Variants in PRR5L observed in about 807,000 individuals in gnomAD.
The protein encoded by PRR5L is proline-rich protein 5-like.
PRR5L carries 21 observed loss-of-function variants against 36.4 expected under a neutral mutation model. The ratio of observed to expected loss-of-function variants is 0.58; its 90% CI spans 0.41 to 0.83. The LOEUF is 0.83. PRR5L is among the 40% of genes least tolerant of loss of function. The pLI is 0.00. For missense variants in PRR5L, 381 were observed against 473.3 expected (o/e 0.80, Z 1.81); for synonymous variants, 188 against 197.0 (o/e 0.95, Z 0.38).
At chr11:36,376,373 G>GAGGAGGAGGCGGCC (rs1345986442) in intron 1 of PRR5L, 11 of 1,159,324 alleles carry the variant, frequency 9.5e-6, no homozygotes. Flanking sequence ...GGAGGAGGAG[G>GAGGAGGAGGCGGCC]AGGCGGCCGT....
intron 1 of PRR5L, among the ~76,000 whole-genome samples, chr11:36,360,430 G>T (rs978736156): frequency 6.6e-6 from 1 of 152,198 alleles, no homozygotes; most frequent in Non-Finnish European, 1.5e-5. Flanking sequence ...AAATGGGGAC[G>T]AGAGATGTCA....
At chr11:36,308,260 C>A (rs368318080) in intron 1 of PRR5L, among the ~76,000 whole-genome samples, 1 of 152,158 alleles carries the variant, frequency 6.6e-6, no homozygotes, top group Non-Finnish European at 1.5e-5. Context: ...GTGTCTTTGC[C>A]AAGACTTCCA....
At chr11:36,358,277 G>A (rs867036366) in intron 1 of PRR5L, among the ~76,000 whole-genome samples, 16 of 152,160 alleles carry the variant, frequency 1.1e-4, no homozygotes, top group Middle Eastern at 3.4e-3. Flanking sequence ...AGAGTTTTTT[G>A]TGAATGGAAG....
chr11:36,336,621 C>T (rs1856771682), intron 1 of PRR5L, among the ~76,000 whole-genome samples: 1 of 149,684 alleles, frequency 6.7e-6, no homozygotes, highest in Non-Finnish European at 1.5e-5. Flanking sequence ...CCCCTAGTGC[C>T]TAATCTAGTA....
At chr11:36,457,259 T>C (rs889830056) in intron 8 of PRR5L, among the ~76,000 whole-genome samples, 2 of 152,250 alleles carry the variant, frequency 1.3e-5, no homozygotes. Flanking sequence ...ACATTAATAC[T>C]GTATCTTTCC....
At chr11:36,439,051 C>T (rs960037879) in intron 6 of PRR5L, among the ~76,000 whole-genome samples, 3 of 152,130 alleles carry the variant, frequency 2.0e-5, no homozygotes, top group African/African-American at 7.2e-5. Context: ...CTGGGCATCC[C>T]GTGTTTTATC....
intron 8 of PRR5L, among the ~76,000 whole-genome samples, chr11:36,459,809 G>A (rs1161189194): frequency 6.6e-6 from 1 of 152,152 alleles, no homozygotes; most frequent in Non-Finnish European, 1.5e-5. Context: ...CAGCATAGGT[G>A]TACACACGGG....
In PRR5L at chr11:36,439,047, A is replaced by G. The variant is rs528447986; in HGVS notation, c.444+1571A>G. ...AAAAACTCTTCAAATTTAACTGGGC[A>G]TCCCGTGTTTTATCTGGTAGCCCTA... On this transcript the variant is annotated intron_variant, in intron 6 of 8. Coordinates refer to ENST00000530639, the MANE Select transcript of PRR5L (RefSeq NM_001160167.2). Among the ~76,000 whole-genome samples the G allele has an allele frequency of 2.6e-5, 4 of 152,288 alleles. No homozygotes were observed. In the East Asian group the frequency reaches 7.7e-4, roughly 29 times the overall value.
chr11:36,431,033 G>A (rs989053419), intron 4 of PRR5L, among the ~76,000 whole-genome samples: 5 of 152,156 alleles, frequency 3.3e-5, no homozygotes, highest in African/African-American at 4.8e-5. Context: ...ACACCAGCCC[G>A]TCATTGATCT....
chr11:36,426,805 AG>A (rs746036252), intron 4 of PRR5L, among the ~76,000 whole-genome samples: 14 of 152,242 alleles, frequency 9.2e-5, no homozygotes, highest in Non-Finnish European at 1.5e-4. Context: ...AAACATTAAA[AG>A]GGACGGTAGC....
intron 8 of PRR5L, among the ~76,000 whole-genome samples, chr11:36,461,429 C>T (rs1356610072): frequency 6.6e-6 from 1 of 152,026 alleles, no homozygotes; most frequent in African/African-American, 2.4e-5. Flanking sequence ...TCAGGACCAC[C>T]CTGGCCAACA....
chr11:36,435,951 C>A (rs1564948763), intron 5 of PRR5L, among the ~76,000 whole-genome samples: 1 of 152,218 alleles, frequency 6.6e-6, no homozygotes, highest in African/African-American at 2.4e-5. Flanking sequence ...CATTCCCAAT[C>A]CCGTTCCAGT....
At chr11:36,313,031 A>C (rs1389368488) in intron 1 of PRR5L, among the ~76,000 whole-genome samples, 1 of 152,260 alleles carries the variant, frequency 6.6e-6, no homozygotes, top group African/African-American at 2.4e-5. Flanking sequence ...AGGCAATGCC[A>C]GATGTCAGTG....
At chr11:36,317,414 C>G (rs1377185950) in intron 1 of PRR5L, among the ~76,000 whole-genome samples, 2 of 152,186 alleles carry the variant, frequency 1.3e-5, no homozygotes, top group Admixed American at 1.3e-4. Flanking sequence ...GCTATGTAAA[C>G]TGTTTAGCAT....
At chr11:36,447,880 C>T (rs1191351736) in intron 7 of PRR5L, among the ~76,000 whole-genome samples, 5 of 152,056 alleles carry the variant, frequency 3.3e-5, no homozygotes, top group African/African-American at 9.7e-5. Context: ...ATGTGGGGCT[C>T]GGGTCTGAGA....
chr11:36,439,554 C>A (rs1858677644), intron 6 of PRR5L, among the ~76,000 whole-genome samples: 8 of 152,190 alleles, frequency 5.3e-5, no homozygotes, highest in Admixed American at 2.6e-4. Flanking sequence ...CCTGTCAACT[C>A]CTGAGGCCAT....
intron 1 of PRR5L, among the ~76,000 whole-genome samples, chr11:36,356,235 T>A (rs933606690): frequency 6.6e-6 from 1 of 152,130 alleles, no homozygotes; most frequent in Non-Finnish European, 1.5e-5. Context: ...TTTTTAAGTA[T>A]CAAAGCTTCT....
chr11:36,353,688 C>A (rs1464392985), intron 1 of PRR5L, among the ~76,000 whole-genome samples: 1 of 152,148 alleles, frequency 6.6e-6, no homozygotes, highest in African/African-American at 2.4e-5. Flanking sequence ...CAACCTATAT[C>A]CCTCACATGT....
intron 1 of PRR5L, among the ~76,000 whole-genome samples, chr11:36,354,875 CTG>C (rs930538475): frequency 1.3e-5 from 2 of 152,140 alleles, no homozygotes; most frequent in African/African-American, 4.8e-5. Context: ...GAAGACTAAA[CTG>C]GAAAAAATCT....
Sources: allele counts gnomAD v4.1 joint callset (sites outside exome capture counted in the v4.1 genomes callset), GRCh38; gene constraint gnomAD v4.1.1; transcripts MANE v1.5; gene names NCBI Gene and HGNC (gene_info 2026-07-23, HGNC 2026-07-21).